Variants in SH3PXD2B observed in about 807,000 individuals in gnomAD.
SH3PXD2B encodes the protein SH3 and PX domains 2B.
A neutral mutation model predicts 73.1 loss-of-function variants in SH3PXD2B; 37 were observed. The observed-to-expected ratio is 0.51, with a 90% confidence interval of 0.39 to 0.67. The LOEUF is 0.67. Among genes scored for constraint, SH3PXD2B ranks in the 30% least tolerant of loss-of-function variants. The pLI is 0.00. For missense variants in SH3PXD2B, 1,053 were observed against 1,197.8 expected (o/e 0.88, Z 1.78); for synonymous variants, 457 against 480.5 (o/e 0.95, Z 0.64).
downstream of SH3PXD2B, among the ~76,000 whole-genome samples, chr5:172,333,091 A>G (rs1421525122): frequency 1.3e-5 from 1 of 77,122 alleles, no homozygotes; most frequent in Non-Finnish European, 2.6e-5. Flanking sequence ...GCCCGACACC[A>G]CGCCCGGCGA....
At position 172,422,454 on chromosome 5, in the gene SH3PXD2B, C is replaced by A; in HGVS notation, c.118G>T (p.Ala40Ser). Residue 40 changes from alanine (A) to serine (S), a missense_variant, in exon 2 of 13, where the codon GCC becomes TCC. Around this residue, in one of 2 missense-constraint regions of SH3PXD2B, gnomAD observed 466 missense variants for 607.1 expected, o/e 0.77. Transcript: ENST00000311601. ...RVTWSSGSTE[A>S]IYRRYSKFFD... ...AACTTGCTGTAGCGCCGGTAAATGG[C>A]CTCGGTGGAGCCGCTGGACCACGTG... 1 of 1,612,646 alleles carries A rather than the reference C, an allele frequency of 6.2e-7. No individual in the cohort carries two copies. The highest frequency in any genetic ancestry group is 8.5e-7 in the Non-Finnish European group (1 of 1,179,706).
At chr5:172,343,320 C>A (rs1756900444) in intron 12 of SH3PXD2B, among the ~76,000 whole-genome samples, 1 of 152,196 alleles carries the variant, frequency 6.6e-6, no homozygotes, top group Non-Finnish European at 1.5e-5. Flanking sequence ...AACACTAATA[C>A]TTAAGTCTGT....
At chr5:172,442,867 CT>C (rs1454349703) in intron 1 of SH3PXD2B, among the ~76,000 whole-genome samples, 1 of 152,206 alleles carries the variant, frequency 6.6e-6, no homozygotes, top group African/African-American at 2.4e-5. Flanking sequence ...GGTTCAGTCA[CT>C]GACTCAAGAT....
intron 4 of SH3PXD2B, 150 bp from the exon 5 acceptor site, chr5:172,382,277 C>T: frequency 3.3e-6 from 2 of 608,204 alleles, no homozygotes; most frequent in Non-Finnish European, 5.8e-6. Flanking sequence ...GATCGCGCCA[C>T]TGCACTCCAG....
chr5:172,395,116 G>T (rs1758265962), intron 3 of SH3PXD2B, among the ~76,000 whole-genome samples: 1 of 151,900 alleles, frequency 6.6e-6, no homozygotes, highest in Non-Finnish European at 1.5e-5. Context: ...CTACCATTCT[G>T]AGCCCTCCCC....
rs1273474817 is a variant in SH3PXD2B at position 172,334,215 on chromosome 5, C to T, written c.*4154G>A. 6.2e-5 allele frequency: 68 copies of T among 1,089,784 alleles called. No homozygotes were observed. The highest frequency in any genetic ancestry group is 1.0e-4 in the Admixed American group (2 of 19,520). The allele number at this position is 1,089,784 out of a possible 1,614,324, so 67.5% of individuals were successfully genotyped here. ...GCACCAGAAACCAGATGCCACCCCA[C>T]GGAGCTGGGCAGTCCAGTCTGTAGA... On this transcript the variant is annotated 3_prime_UTR_variant, in exon 13 of 13. Transcript: ENST00000311601.
rs4562058 is a variant in SH3PXD2B at position 172,353,497 on chromosome 5, C to T, written c.785+391G>A. Reference sequence around the variant, plus strand: ...ACGAGGGCAGATTATCAGCCTAGGACGAATTACAGTCCATGAGTGTTTATG... The same window carrying T: ...ACGAGGGCAGATTATCAGCCTAGGATGAATTACAGTCCATGAGTGTTTATG... On this transcript the variant is annotated intron_variant, in intron 9 of 12. Transcript: ENST00000311601. This position sits in a 1 kb window ranked among gnomAD's most constrained non-coding sequence, Gnocchi z 4.3. Among the ~76,000 whole-genome samples, 58,080 of 151,994 alleles carry T rather than the reference C, an allele frequency of 0.38. 12,103 individuals carry two copies. Among genetic ancestry groups the T allele is most frequent in the African/African-American group, 0.56 (23,239 of 41,424 alleles).
At chr5:172,418,929 G>A (rs1185665174) in intron 2 of SH3PXD2B, among the ~76,000 whole-genome samples, 4 of 152,190 alleles carry the variant, frequency 2.6e-5, no homozygotes, top group African/African-American at 7.2e-5. Flanking sequence ...AGGAAGACCC[G>A]TGATCAAACC....
chr5:172,438,515 G>T (rs1054276214), intron 1 of SH3PXD2B, among the ~76,000 whole-genome samples: 2 of 152,182 alleles, frequency 1.3e-5, no homozygotes, highest in South Asian at 4.1e-4. Context: ...CTCACTCAAG[G>T]CTCTCTGTGT....
intron 3 of SH3PXD2B, among the ~76,000 whole-genome samples, chr5:172,400,774 G>A (rs1333866991): frequency 6.6e-6 from 1 of 152,168 alleles, no homozygotes; most frequent in African/African-American, 2.4e-5. Context: ...TGCATTAATT[G>A]TCATTTATAC....
At chr5:172,361,407 G>C (rs567996333) in intron 7 of SH3PXD2B, among the ~76,000 whole-genome samples, 1 of 152,290 alleles carries the variant, frequency 6.6e-6, no homozygotes, top group East Asian at 1.9e-4. Flanking sequence ...AATGTCATCA[G>C]TGTGTTGGCT....
At chr5:172,402,222 T>G (rs1055410172) in intron 3 of SH3PXD2B, among the ~76,000 whole-genome samples, 2 of 152,210 alleles carry the variant, frequency 1.3e-5, no homozygotes, top group African/African-American at 4.8e-5. Context: ...CCCAGTCTCC[T>G]GTAGCACTCC....
intron 4 of SH3PXD2B, among the ~76,000 whole-genome samples, chr5:172,388,306 G>C (rs1758100459): frequency 6.6e-6 from 1 of 152,160 alleles, no homozygotes; most frequent in Non-Finnish European, 1.5e-5. Context: ...AGTTATGATA[G>C]ATCAAATTGG....
intron 2 of SH3PXD2B, among the ~76,000 whole-genome samples, chr5:172,414,610 C>T (rs935505579): frequency 4.6e-5 from 7 of 152,082 alleles, no homozygotes; most frequent in Non-Finnish European, 7.4e-5. Context: ...TGATTTGAGG[C>T]GTCCAAGAAC....
chr5:172,366,146 G>A (rs982494329), intron 6 of SH3PXD2B, among the ~76,000 whole-genome samples: 2 of 152,212 alleles, frequency 1.3e-5, no homozygotes, highest in African/African-American at 4.8e-5. Flanking sequence ...TGGGGTCAGG[G>A]AGTGGCTGTG....
At chr5:172,418,853 A>C (rs373137934) in intron 2 of SH3PXD2B, among the ~76,000 whole-genome samples, 18 of 152,238 alleles carry the variant, frequency 1.2e-4, no homozygotes, top group African/African-American at 4.3e-4. Flanking sequence ...GGAAAACCTT[A>C]AGTTCTGGTA....
At chr5:172,418,553 G>C (rs1758879115) in intron 2 of SH3PXD2B, among the ~76,000 whole-genome samples, 1 of 152,230 alleles carries the variant, frequency 6.6e-6, no homozygotes, top group Admixed American at 6.5e-5. Context: ...AGGGGAGGGT[G>C]GAATCATGAA....
chr5:172,344,520 G>A (rs1286669223), intron 12 of SH3PXD2B, among the ~76,000 whole-genome samples: 1 of 149,912 alleles, frequency 6.7e-6, no homozygotes, highest in African/African-American at 2.5e-5. Flanking sequence ...CCTGGGAGGC[G>A]GAGGTTGCAG....
At chr5:172,385,935 G>T (rs1038579328) in intron 4 of SH3PXD2B, among the ~76,000 whole-genome samples, 1 of 152,206 alleles carries the variant, frequency 6.6e-6, no homozygotes, top group African/African-American at 2.4e-5. Context: ...AAGACTCCAG[G>T]ATAGTCCTAA....
Sources: allele counts gnomAD v4.1 joint callset (sites outside exome capture counted in the v4.1 genomes callset), GRCh38; gene constraint gnomAD v4.1.1; regional missense constraint gnomAD v4.1.1; non-coding constraint Gnocchi (gnomAD v3.1); transcripts MANE v1.5; gene names NCBI Gene and HGNC (gene_info 2026-07-23, HGNC 2026-07-21).